HGSNAT: variants seen among roughly 807,000 people sequenced by gnomAD.
HGSNAT encodes heparan-alpha-glucosaminide N-acetyltransferase, also known as transmembrane protein 76.
Under a neutral mutation model 85.2 loss-of-function variants are expected in HGSNAT, and 59 were observed. That is an observed-to-expected ratio of 0.69 (90% confidence interval 0.56 to 0.86). HGSNAT has a LOEUF of 0.86. Among genes scored for constraint, HGSNAT ranks in the 40% least tolerant of loss-of-function variants. The pLI, the probability that HGSNAT is intolerant of heterozygous loss-of-function variation, is 0.00. For synonymous variants in HGSNAT, 321 were observed against 304.5 expected, an observed-to-expected ratio of 1.05 and a Z score of -0.56; for missense variants, 756 against 777.1, an observed-to-expected ratio of 0.97 and a Z score of 0.32.
chr8:43,201,075 C>T lies in HGSNAT; in HGVS notation c.*1506C>T, dbSNP rs1369133500. The T allele has an allele frequency of 6.6e-6, 1 of 152,446 alleles. No homozygotes were observed. The highest frequency in any genetic ancestry group is 1.5e-5 in the Non-Finnish European group (1 of 68,242). 9.4% of individuals were successfully genotyped at this position (152,446 alleles called of 1,614,324 possible). On this transcript the variant is annotated 3_prime_UTR_variant, in exon 18 of 18. Transcript: ENST00000379644. This position sits in a 1 kb window ranked among gnomAD's most constrained non-coding sequence, Gnocchi z 4.4. ...CCGGCTTACCTCCACCAGATCTCCCCAGTTCTGTCTCCATCTTCTACCTGC... is the reference window on the plus strand; with the variant it reads ...CCGGCTTACCTCCACCAGATCTCCCTAGTTCTGTCTCCATCTTCTACCTGC...
chr8:43,183,332 A>T (rs1422802300), intron 11 of HGSNAT, among the ~76,000 whole-genome samples: 1 of 151,758 alleles, frequency 6.6e-6, no homozygotes, highest in Non-Finnish European at 1.5e-5. Flanking sequence ...ATGCCCAGTT[A>T]ATGATTGTAT....
chr8:43,177,857 C>G (rs2130765641), intron 9 of HGSNAT, among the ~76,000 whole-genome samples: 1 of 152,232 alleles, frequency 6.6e-6, no homozygotes, highest in East Asian at 1.9e-4. Flanking sequence ...AAATTTTCTC[C>G]TAAGACAGGA....
chr8:43,143,180 A>G (rs1399016093), intron 1 of HGSNAT, among the ~76,000 whole-genome samples: 1 of 152,274 alleles, frequency 6.6e-6, no homozygotes, highest in East Asian at 1.9e-4. Context: ...GGGATTAAAT[A>G]AAGGTGGTTA....
At chr8:43,161,655 G>A in intron 5 of HGSNAT, 148 bp downstream of exon 5, 1 of 532,324 alleles carries the variant, frequency 1.9e-6, no homozygotes, top group Non-Finnish European at 3.3e-6. Flanking sequence ...TAGGCTTCAG[G>A]GACTCATGTA....
At position 43,140,605 on chromosome 8, in the gene HGSNAT, C is replaced by A. The variant is rs2130648632; in HGVS notation, c.109C>A (p.Pro37Thr). The change falls in exon 1 of 18, where the codon CCG becomes ACG. Residue 37 changes from proline (P) to threonine (T), a missense_variant. Transcript: ENST00000379644. ...TTCGGGGCGCGATGCCCAGGCCGCG[C>A]CGCCACGAGGTGAGTGCACACCTCC... ...GSSGRDAQAA[P>T]PRDLDKKRHA... 8.1e-7 allele frequency: 1 copy of A among 1,236,456 alleles called. No homozygotes were observed. Among genetic ancestry groups the A allele is most frequent in the Non-Finnish European group, 1.0e-6 (1 of 981,196 alleles). 76.6% of individuals were successfully genotyped at this position (1,236,456 alleles called of 1,614,324 possible).
At chr8:43,170,940 G>A (rs1258152248) in intron 7 of HGSNAT, among the ~76,000 whole-genome samples, 4 of 152,226 alleles carry the variant, frequency 2.6e-5, no homozygotes, top group Non-Finnish European at 5.9e-5. Context: ...TGGATACGTG[G>A]TCTGCTGAGT....
chr8:43,192,018 T>C (rs1804549682), intron 12 of HGSNAT, among the ~76,000 whole-genome samples: 2 of 152,042 alleles, frequency 1.3e-5, no homozygotes, highest in Admixed American at 1.3e-4. Context: ...AACCTGCGCC[T>C]CCCAGGTTCA....
chr8:43,199,238 TA>T, intron 17 of HGSNAT, 149 bp from the exon 18 acceptor site: 1 of 579,896 alleles, frequency 1.7e-6, no homozygotes, highest in Non-Finnish European at 3.0e-6. Flanking sequence ...TTTAAATACC[TA>T]AGATATGCAT....
At chr8:43,152,811 A>G (rs1184371052) in intron 2 of HGSNAT, among the ~76,000 whole-genome samples, 2 of 152,156 alleles carry the variant, frequency 1.3e-5, no homozygotes. Flanking sequence ...ATAGCCAATA[A>G]CCATTGATAT....
chr8:43,147,401 C>T (rs1291438282), intron 2 of HGSNAT, among the ~76,000 whole-genome samples: 2 of 152,166 alleles, frequency 1.3e-5, no homozygotes, highest in African/African-American at 2.4e-5. Flanking sequence ...TCTCCAGGGG[C>T]CAGCAGAGTG....
At position 43,199,910 on chromosome 8, in the gene HGSNAT, T is replaced by C. The variant is rs1445566894; in HGVS notation, c.*341T>C. The C allele has an allele frequency of 1.2e-5, 2 of 173,118 alleles. No homozygotes were observed. Among genetic ancestry groups the C allele is most frequent in the Non-Finnish European group, 1.2e-5 (1 of 82,274 alleles). The allele number at this position is 173,118 out of a possible 1,614,324, so 10.7% of individuals were successfully genotyped here. A position where few individuals can be genotyped will look rare whatever the true frequency, so the allele number is the denominator to read the frequency against. On this transcript the variant is annotated 3_prime_UTR_variant, in exon 18 of 18. Transcript: ENST00000379644. ...TTCTTCTGTGGTGAGTGAAACAATC[T>C]GAGGTCTGGTTCTTGCTGACCTTGT...
At chr8:43,141,527 C>T (rs1802544925) in intron 1 of HGSNAT, among the ~76,000 whole-genome samples, 1 of 152,158 alleles carries the variant, frequency 6.6e-6, no homozygotes, top group Non-Finnish European at 1.5e-5. Context: ...CGCACACGCC[C>T]CTCCCAGAGG....
intron 1 of HGSNAT, among the ~76,000 whole-genome samples, chr8:43,141,203 G>A (rs1328083391): frequency 6.6e-6 from 1 of 152,182 alleles, no homozygotes; most frequent in Non-Finnish European, 1.5e-5. Flanking sequence ...CGGAGAAGGC[G>A]GTGGGGGCGC....
intron 2 of HGSNAT, among the ~76,000 whole-genome samples, chr8:43,151,347 C>T (rs1187658273): frequency 1.3e-5 from 2 of 152,186 alleles, no homozygotes; most frequent in Non-Finnish European, 2.9e-5. Flanking sequence ...TGCTTCTCTT[C>T]CCCTGTGAAG....
intron 14 of HGSNAT, chr8:43,194,317 G>A: frequency 1.2e-6 from 1 of 852,820 alleles, no homozygotes. Flanking sequence ...AGTATGGCTT[G>A]AACCAAGGAG....
intron 2 of HGSNAT, among the ~76,000 whole-genome samples, 162 bp from the exon 3 acceptor site, chr8:43,158,413 T>A (rs1453952398): frequency 6.6e-6 from 1 of 152,182 alleles, no homozygotes; most frequent in African/African-American, 2.4e-5. Context: ...ATTGTTTTAG[T>A]ACAAAATAAT....
rs1356391928 is a variant in HGSNAT, at chr8:43,201,300, C to G, written c.*1731C>G. The G allele has an allele frequency of 6.6e-6, 1 of 152,000 alleles. No homozygotes were observed. Among genetic ancestry groups the G allele is most frequent in the Non-Finnish European group, 1.5e-5 (1 of 68,130 alleles). The allele number at this position is 152,000 out of a possible 1,614,324, so 9.4% of individuals were successfully genotyped here. A position where few individuals can be genotyped will look rare whatever the true frequency, so the allele number is the denominator to read the frequency against. On this transcript the variant is annotated 3_prime_UTR_variant, in exon 18 of 18. Coordinates refer to ENST00000379644, the MANE Select transcript of HGSNAT (RefSeq NM_152419.3). This position sits in a 1 kb window ranked among gnomAD's most constrained non-coding sequence, Gnocchi z 4.4. Reference sequence around the variant, plus strand: ...AACACCATTGTCTGGCACACATACTCACATACTCACCTTCCCGTCTTGATC... The same window carrying G: ...AACACCATTGTCTGGCACACATACTGACATACTCACCTTCCCGTCTTGATC...
intron 12 of HGSNAT, 116 bp from the exon 13 acceptor site, chr8:43,192,188 A>G (rs2130806857): frequency 2.5e-6 from 3 of 1,204,682 alleles, no homozygotes; most frequent in East Asian, 2.7e-5. Flanking sequence ...TTGGCCTCCC[A>G]AAGTGTTGGG....
At chr8:43,152,817 G>C (rs1802961548) in intron 2 of HGSNAT, among the ~76,000 whole-genome samples, 1 of 152,030 alleles carries the variant, frequency 6.6e-6, no homozygotes, top group Non-Finnish European at 1.5e-5. Context: ...AATAACCATT[G>C]ATATCAAGAC....
Sources: gnomAD v4.1 joint callset for allele counts (sites outside exome capture counted in the v4.1 genomes callset) on GRCh38, gnomAD v4.1.1 for gene constraint, Gnocchi (gnomAD v3.1) non-coding constraint, MANE v1.5 for transcripts, NCBI Gene and HGNC (gene_info 2026-07-23, HGNC 2026-07-21) for gene names.